The following ACSM2A variants were observed in gnomAD, a reference collection of about 807,000 sequenced individuals.
The protein encoded by ACSM2A is acyl-CoA synthetase medium chain family member 2A.
ACSM2A carries 72 observed loss-of-function variants against 76.6 expected under a neutral mutation model. That is an observed-to-expected ratio of 0.94 (90% confidence interval 0.78 to 1.14). The LOEUF is 1.14. ACSM2A is among the 50% of genes most tolerant of loss of function. The pLI is 0.00. For synonymous variants in ACSM2A, 249 were observed against 255.9 expected (o/e 0.97, Z 0.26); for missense variants, 684 against 708.5 (o/e 0.97, Z 0.39).
At chr16:20,475,503 C>T in intron 7 of ACSM2A, 62 bp downstream of exon 7, 1 of 1,607,008 alleles carries the variant, frequency 6.2e-7, no homozygotes, top group Non-Finnish European at 8.5e-7. Flanking sequence ...CCCTCACATA[C>T]ATTCATGCCT....
In ACSM2A at chr16:20,460,186, C is replaced by T. The variant is rs142460751; in HGVS notation, c.72C>T (p.Tyr24=). 3 of 1,613,374 alleles carry T rather than the reference C, an allele frequency of 1.9e-6. No individual in the cohort carries two copies. The African/African-American group carries it at 4.0e-5, about 22-fold the overall frequency. Residue 24 remains tyrosine (Y), a synonymous_variant, in exon 2 of 14, where the codon TAC becomes TAT. Coordinates refer to ENST00000573854, the MANE Select transcript of ACSM2A (RefSeq NM_001308172.2). ...CTCAGATGTCCAGCCGCACTCTCTA[C>T]ATTAATAGTAGGCAACTGGTGTCCC... ...WGTQMSSRTL[Y]INSRQLVSLQ...
At chr16:20,483,223 T>G (rs1343289935) in intron 13 of ACSM2A, 46 bp downstream of exon 13, 1 of 1,603,892 alleles carries the variant, frequency 6.2e-7, no homozygotes, top group African/African-American at 1.3e-5. Context: ...AGAAATAGAT[T>G]GTTTTCCTGT....
intron 1 of ACSM2A, among the ~76,000 whole-genome samples, chr16:20,459,057 G>A (rs947316457): frequency 6.6e-5 from 10 of 151,144 alleles, no homozygotes; most frequent in Non-Finnish European, 1.0e-4. Context: ...GGAAACCCAA[G>A]CATCATATGT....
intron 1 of ACSM2A, among the ~76,000 whole-genome samples, chr16:20,458,047 G>T (rs553973344): frequency 2.0e-5 from 3 of 151,442 alleles, no homozygotes; most frequent in East Asian, 3.9e-4. Context: ...ATTAAATCAA[G>T]AACTCAACCC....
At chr16:20,486,159 C>G (rs762349930) in intron 13 of ACSM2A, among the ~76,000 whole-genome samples, 5 of 152,230 alleles carry the variant, frequency 3.3e-5, no homozygotes, top group Non-Finnish European at 7.3e-5. Flanking sequence ...TTCATAATCT[C>G]CTTTTGTCCA....
At position 20,478,630 on chromosome 16, in the gene ACSM2A, A is replaced by G; in HGVS notation, c.1234A>G (p.Ile412Val). 6.2e-7 allele frequency: 1 copy of G among 1,613,996 alleles called. No homozygotes were observed. The highest frequency in any genetic ancestry group is 8.5e-7 in the Non-Finnish European group (1 of 1,179,898). Residue 412 changes from isoleucine to valine, a missense_variant, in exon 10 of 14, where the codon ATC becomes GTC. Transcript: ENST00000573854. Reference protein sequence around the residue: ...LPPGTEGDIGIRVKPIRPIGI... With the variant: ...LPPGTEGDIGVRVKPIRPIGI... ...CCCCGGCACAGAAGGAGACATTGGC[A>G]TCAGGGTCAAACCCATCAGGCCTAT...
chr16:20,475,230 G>A (rs1448374855), intron 6 of ACSM2A, 132 bp from the exon 7 acceptor site: 1 of 1,553,818 alleles, frequency 6.4e-7, no homozygotes, highest in Admixed American at 1.9e-5. Context: ...ACCTGAATCA[G>A]ACATAGTAAA....
intron 2 of ACSM2A, among the ~76,000 whole-genome samples, chr16:20,465,052 G>A (rs1328929423): frequency 1.3e-5 from 2 of 152,098 alleles, no homozygotes; most frequent in African/African-American, 2.4e-5. Context: ...GTATACAATA[G>A]CATTTTCCAG....
intron 1 of ACSM2A, among the ~76,000 whole-genome samples, chr16:20,459,344 T>G (rs2012461183): frequency 6.6e-6 from 1 of 152,316 alleles, no homozygotes; most frequent in African/African-American, 2.4e-5. Context: ...ACTAGATGGA[T>G]AGGACCTGGG....
rs372292767 is a variant in ACSM2A at position 20,460,161 on chromosome 16, C to T, written c.47C>T (p.Thr16Ile). 1.9e-6 allele frequency: 3 copies of T among 1,612,974 alleles called. No individual in the cohort carries two copies. The highest frequency in any genetic ancestry group is 1.1e-5 in the South Asian group (1 of 90,954). Residue 16 changes from threonine (T) to isoleucine (I), a missense_variant, in exon 2 of 14, where the codon ACT (threonine) becomes ATT (isoleucine). This residue lies in a region of ACSM2A where 519 missense variants were observed against 549.5 expected (regional missense o/e 0.94). Coordinates refer to ENST00000573854, the MANE Select transcript of ACSM2A (RefSeq NM_001308172.2). ...CAGGGACTTTGCACCCTGTGGGGTACTCAGATGTCCAGCCGCACTCTCTAC... is the reference window on the plus strand; with the variant it reads ...CAGGGACTTTGCACCCTGTGGGGTATTCAGATGTCCAGCCGCACTCTCTAC... Reference protein sequence around the residue: ...KVQGLCTLWGTQMSSRTLYIN... With the variant: ...KVQGLCTLWGIQMSSRTLYIN...
At chr16:20,462,346 C>A (rs987414581) in intron 2 of ACSM2A, among the ~76,000 whole-genome samples, 11 of 152,146 alleles carry the variant, frequency 7.2e-5, no homozygotes, top group Non-Finnish European at 8.8e-5. Flanking sequence ...GGTCCCTGAA[C>A]AAGAAGGGAG....
chr16:20,482,891 T>G lies in ACSM2A; in HGVS notation c.1510-167T>G, dbSNP rs566452514. ...CAATAAATGACTTCAGAGAGAGCTGTAACCTCATTCATGTCCCCAGTTTTC... is the reference window on the plus strand; with the variant it reads ...CAATAAATGACTTCAGAGAGAGCTGGAACCTCATTCATGTCCCCAGTTTTC... On this transcript the variant is annotated intron_variant, in intron 12 of 13. Coordinates refer to ENST00000573854, the MANE Select transcript of ACSM2A (RefSeq NM_001308172.2). The G allele has an allele frequency of 1.9e-4, 211 of 1,133,870 alleles. 1 individual carries two copies. In the African/African-American group the frequency reaches 2.6e-3, roughly 14 times the overall value. The allele number at this position is 1,133,870 out of a possible 1,614,324, so 70.2% of individuals were successfully genotyped here.
intron 13 of ACSM2A, among the ~76,000 whole-genome samples, 195 bp downstream of exon 13, chr16:20,483,372 T>C (rs1372922893): frequency 4.3e-5 from 6 of 138,276 alleles, no homozygotes; most frequent in African/African-American, 1.3e-4. Context: ...GAGTTCAAGA[T>C]CAGCCTGGCC....
chr16:20,482,134 C>CAA (rs768615976), intron 12 of ACSM2A: 66 of 49,474 alleles, frequency 1.3e-3, no homozygotes, highest in South Asian at 2.3e-3. Context: ...GACTCTGTCT[C>CAA]AAAAAAAAAA....
intron 3 of ACSM2A, 134 bp from the exon 4 acceptor site, chr16:20,469,378 T>C: frequency 6.8e-6 from 10 of 1,465,838 alleles, no homozygotes; most frequent in Non-Finnish European, 9.0e-6. Context: ...CCCTTTTTTA[T>C]TGACACTCTC....
At chr16:20,454,416 C>T (rs1048306072) in intron 1 of ACSM2A, among the ~76,000 whole-genome samples, 6 of 151,958 alleles carry the variant, frequency 3.9e-5, no homozygotes, top group Non-Finnish European at 5.9e-5. Context: ...AACTTCCTCC[C>T]CACCCAGTAG....
At chr16:20,472,423 C>T (rs977653423) in intron 6 of ACSM2A, among the ~76,000 whole-genome samples, 1 of 152,194 alleles carries the variant, frequency 6.6e-6, no homozygotes, top group African/African-American at 2.4e-5. Flanking sequence ...TAAAGGCACT[C>T]ATGCTATCAC....
intron 1 of ACSM2A, chr16:20,453,194 G>A (rs1219720131): frequency 6.6e-6 from 1 of 152,054 alleles, no homozygotes; most frequent in Non-Finnish European, 1.5e-5. Context: ...ACCATGCACA[G>A]CCTCACCAAG....
chr16:20,481,075 G>C (rs1410820715), intron 12 of ACSM2A, 154 bp downstream of exon 12: 14 of 948,808 alleles, frequency 1.5e-5, no homozygotes, highest in South Asian at 5.3e-5. Flanking sequence ...CAAGCTACTT[G>C]GCCTCTCTGT....
Sources: allele counts gnomAD v4.1 joint callset (sites outside exome capture counted in the v4.1 genomes callset), GRCh38; gene constraint gnomAD v4.1.1; regional missense constraint gnomAD v4.1.1; transcripts MANE v1.5; gene names NCBI Gene and HGNC (gene_info 2026-07-23, HGNC 2026-07-21).